The following RASSF3 variants were observed in gnomAD, a reference collection of about 807,000 sequenced individuals.
The protein encoded by RASSF3 is ras association domain-containing protein 3.
Under a neutral mutation model 19.9 loss-of-function variants are expected in RASSF3, and 19 were observed. The ratio of observed to expected loss-of-function variants is 0.96; its 90% CI spans 0.67 to 1.40. RASSF3 has a LOEUF of 1.40. Ranked by LOEUF, RASSF3 falls within the 40% of genes most tolerant of loss-of-function variation. RASSF3 has a pLI of 0.00. For synonymous variants in RASSF3, 110 were observed against 104.2 expected (o/e 1.06, Z -0.34); for missense variants, 306 against 289.8 (o/e 1.06, Z -0.41).
chr12:64,693,479 C>T (rs567112160), intron 4 of RASSF3, among the ~76,000 whole-genome samples: 1 of 151,546 alleles, frequency 6.6e-6, no homozygotes, highest in African/African-American at 2.4e-5. Context: ...AGTACAGTGG[C>T]GCAATCATGG....
chr12:64,642,711 A>G (rs1221394924), intron 1 of RASSF3, among the ~76,000 whole-genome samples: 2 of 151,160 alleles, frequency 1.3e-5, no homozygotes, highest in African/African-American at 4.9e-5. Context: ...ACTTTGTAAT[A>G]GTGAGAAGTT....
At chr12:64,622,010 G>A (rs1870789199) in intron 1 of RASSF3, among the ~76,000 whole-genome samples, 1 of 151,928 alleles carries the variant, frequency 6.6e-6, no homozygotes, top group East Asian at 1.9e-4. Flanking sequence ...ATAAATTTAG[G>A]GCTTGTTTTC....
downstream of RASSF3, among the ~76,000 whole-genome samples, chr12:64,544,009 A>G (rs1036439458): frequency 6.6e-6 from 1 of 152,136 alleles, no homozygotes; most frequent in African/African-American, 2.4e-5. Context: ...AAATGGACCA[A>G]TCAGCAGGAT....
chr12:64,557,647 G>C (rs1441034889), intron 2 of RASSF3, among the ~76,000 whole-genome samples: 1 of 152,070 alleles, frequency 6.6e-6, no homozygotes, highest in Non-Finnish European at 1.5e-5. Flanking sequence ...CCATCCCTTG[G>C]TTCCCAGATC....
At chr12:64,664,619 G>A (rs1872486490) in intron 1 of RASSF3, among the ~76,000 whole-genome samples, 1 of 152,116 alleles carries the variant, frequency 6.6e-6, no homozygotes, top group East Asian at 1.9e-4. Flanking sequence ...CAGTTTCAGG[G>A]CTCACAAAGT....
At chr12:64,580,371 G>C (rs980691048) in intron 2 of RASSF3, among the ~76,000 whole-genome samples, 11 of 151,952 alleles carry the variant, frequency 7.2e-5, no homozygotes, top group Admixed American at 6.6e-4. Flanking sequence ...TCATTTTCTA[G>C]AACTGCCATA....
intron 2 of RASSF3, among the ~76,000 whole-genome samples, chr12:64,562,350 A>T (rs993328063): frequency 6.6e-6 from 1 of 152,066 alleles, no homozygotes; most frequent in Non-Finnish European, 1.5e-5. Flanking sequence ...TACCCACCGC[A>T]TTTATCTTGC....
At chr12:64,671,795 G>A (rs917417113) in intron 1 of RASSF3, among the ~76,000 whole-genome samples, 3 of 152,206 alleles carry the variant, frequency 2.0e-5, no homozygotes, top group East Asian at 1.9e-4. Context: ...CTGAATTGAC[G>A]GCAGCAGAGG....
chr12:64,576,275 G>A (rs754748035), intron 2 of RASSF3, among the ~76,000 whole-genome samples: 5 of 152,222 alleles, frequency 3.3e-5, no homozygotes, highest in East Asian at 3.9e-4. Flanking sequence ...TATGACAAAC[G>A]TGGTGCCCTT....
In RASSF3 at chr12:64,684,771, C is replaced by G. The variant is rs1296228581; in HGVS notation, c.112-16C>G. On this transcript the variant is annotated splice_polypyrimidine_tract_variant and intron_variant, in intron 1 of 4. Transcript: ENST00000542104. ...TTATGATTGCTCACATGTGACATGT[C>G]TTGTTTTTCTTCTAGGATGTTGAGA... 6.4e-7 allele frequency: 1 copy of G among 1,555,950 alleles called. No homozygotes were observed.
chr12:64,583,878 G>T (rs528490257), intron 2 of RASSF3, among the ~76,000 whole-genome samples: 1 of 152,016 alleles, frequency 6.6e-6, no homozygotes, highest in Non-Finnish European at 1.5e-5. Flanking sequence ...AAATATGTTC[G>T]GTTTATCTGT....
At chr12:64,689,321 C>A (rs1873487105) in intron 3 of RASSF3, among the ~76,000 whole-genome samples, 1 of 151,572 alleles carries the variant, frequency 6.6e-6, no homozygotes, top group African/African-American at 2.4e-5. Context: ...ATATATTAAC[C>A]TTGACATGAT....
At chr12:64,507,080 A>G in exon 1 of RASSF3, 1 of 397,782 alleles carries the variant, frequency 2.5e-6, no homozygotes, top group Non-Finnish European at 4.4e-6. Context: ...TTTAGGGCTA[A>G]CAGGTGGTCC....
chr12:64,662,789 C>T (rs1031822959), intron 1 of RASSF3, among the ~76,000 whole-genome samples: 1 of 152,056 alleles, frequency 6.6e-6, no homozygotes, highest in African/African-American at 2.4e-5. Context: ...AAATGGGACT[C>T]CCTGGTTGTT....
At chr12:64,576,486 A>T (rs1289360001) in intron 2 of RASSF3, among the ~76,000 whole-genome samples, 1 of 152,194 alleles carries the variant, frequency 6.6e-6, no homozygotes, top group Admixed American at 6.5e-5. Flanking sequence ...GTAGGAAAAG[A>T]TTTATTAAAC....
chr12:64,598,003 T>G (rs111324059), intron 2 of RASSF3, among the ~76,000 whole-genome samples: 5 of 152,116 alleles, frequency 3.3e-5, no homozygotes, highest in Non-Finnish European at 7.4e-5. Context: ...CTGCAACCTC[T>G]GCCTCCCGGG....
chr12:64,507,548 A>G (rs1318547067), intron 1 of RASSF3: 2 of 353,636 alleles, frequency 5.7e-6, no homozygotes, highest in Admixed American at 9.4e-5. Context: ...GAACATTGTT[A>G]CAATCCAATT....
At chr12:64,676,663 G>T (rs1360619951) in intron 1 of RASSF3, among the ~76,000 whole-genome samples, 1 of 151,672 alleles carries the variant, frequency 6.6e-6, no homozygotes, top group East Asian at 1.9e-4. Context: ...TAGAGATGGG[G>T]TTTCACCATG....
intron 1 of RASSF3, among the ~76,000 whole-genome samples, chr12:64,515,043 T>G (rs1365671119): frequency 6.6e-6 from 1 of 151,584 alleles, no homozygotes; most frequent in Non-Finnish European, 1.5e-5. Flanking sequence ...TATTTATTTA[T>G]CATTTATTTA....
Sources: gnomAD v4.1 joint callset for allele counts (sites outside exome capture counted in the v4.1 genomes callset) on GRCh38, gnomAD v4.1.1 for gene constraint, MANE v1.5 for transcripts, NCBI Gene and HGNC (gene_info 2026-07-23, HGNC 2026-07-21) for gene names.